Variants in RYR3 observed in about 807,000 individuals in gnomAD.
The protein encoded by RYR3 is ryanodine receptor 3, also known as brain ryanodine receptor-calcium release channel.
In RYR3, 207 loss-of-function variants were observed where a neutral mutation model predicts 584.3. The observed-to-expected ratio is 0.35, with a 90% confidence interval of 0.32 to 0.40. The LOEUF is 0.40. Ranked by LOEUF, RYR3 falls within the 10% of genes least tolerant of loss-of-function variation. RYR3 has a pLI of 1.00. For synonymous variants in RYR3, 2,416 were observed against 2,248.5 expected (o/e 1.07, Z -2.11); for missense variants, 5,616 against 6,089.2 (o/e 0.92, Z 2.59).
chr15:33,474,677 T>C (rs1312755816), intron 2 of RYR3, among the ~76,000 whole-genome samples: 1 of 152,198 alleles, frequency 6.6e-6, no homozygotes, highest in Non-Finnish European at 1.5e-5. Flanking sequence ...TCAGTTTTTC[T>C]CACAGAACCT....
At chr15:33,709,557 T>A (rs1026936249) in intron 43 of RYR3, among the ~76,000 whole-genome samples, 5 of 152,178 alleles carry the variant, frequency 3.3e-5, no homozygotes, top group Non-Finnish European at 5.9e-5. Flanking sequence ...CAACACCTCA[T>A]GAATGGGTTA....
At chr15:33,776,817 C>G (rs972846120) in intron 64 of RYR3, among the ~76,000 whole-genome samples, 1 of 152,082 alleles carries the variant, frequency 6.6e-6, no homozygotes, top group African/African-American at 2.4e-5. Context: ...TTTTGAAAGG[C>G]AAGATTCAGA....
intron 60 of RYR3, among the ~76,000 whole-genome samples, chr15:33,758,738 T>C (rs2072126985): frequency 6.6e-6 from 1 of 152,016 alleles, no homozygotes; most frequent in South Asian, 2.1e-4. Context: ...TAAAAGTTCC[T>C]GCCTGCCGGC....
intron 22 of RYR3, among the ~76,000 whole-genome samples, 165 bp from the exon 23 acceptor site, chr15:33,631,045 C>CTAAGCTACAAAGCT (rs2061239348): frequency 6.6e-6 from 1 of 152,152 alleles, no homozygotes; most frequent in Non-Finnish European, 1.5e-5. Flanking sequence ...ACATATGGCT[C>CTAAGCTACAAAGCT]ACAAAGCCTA....
intron 74 of RYR3, 80 bp downstream of exon 74, chr15:33,813,659 T>C: frequency 8.7e-7 from 1 of 1,143,246 alleles, no homozygotes; most frequent in Admixed American, 1.7e-5. Flanking sequence ...GCTCTCTCAC[T>C]CTTAATCCAA....
At chr15:33,466,778 G>A (rs1190718250) in intron 1 of RYR3, among the ~76,000 whole-genome samples, 8 of 152,074 alleles carry the variant, frequency 5.3e-5, no homozygotes, top group African/African-American at 1.4e-4. Flanking sequence ...ATAAGTAGTC[G>A]TTTTCAGAAC....
rs1375842464 is a variant in RYR3, at chr15:33,706,948, A to G, written c.6513A>G (p.Leu2171=). 2 of 1,610,952 alleles carry G rather than the reference A, an allele frequency of 1.2e-6. No homozygotes were observed. The highest frequency in any genetic ancestry group is 1.7e-5 in the Admixed American group (1 of 59,492). ...KVVTYLAGCG[L]QSCPMLLAKG... ...TGACCTACTTGGCAGGCTGTGGCCT[A>G]CAGAGCTGCCCCATGCTTCTGGCCA... The change falls in exon 43 of 104, where the codon CTA becomes CTG. Residue 2171 remains leucine (L), a synonymous_variant. Transcript: ENST00000634891.
intron 102 of RYR3, among the ~76,000 whole-genome samples, chr15:33,862,978 C>T (rs188478079): frequency 7.6e-4 from 115 of 152,304 alleles, no homozygotes; most frequent in Non-Finnish European, 1.4e-3. Flanking sequence ...TATTTATCAT[C>T]AATTCCCATT....
intron 1 of RYR3, chr15:33,467,394 C>T (rs1053323194): frequency 3.1e-6 from 2 of 650,960 alleles, no homozygotes; most frequent in Non-Finnish European, 1.9e-6. Context: ...ACAGGTGACC[C>T]GTAGAGAAGC....
chr15:33,842,578 A>G (rs920469357), intron 91 of RYR3, among the ~76,000 whole-genome samples: 4 of 152,180 alleles, frequency 2.6e-5, no homozygotes, highest in Non-Finnish European at 5.9e-5. Flanking sequence ...AGGGCTCCCC[A>G]CAGAGAGATT....
chr15:33,630,448 A>G (rs1376365100), intron 22 of RYR3, among the ~76,000 whole-genome samples: 1 of 152,180 alleles, frequency 6.6e-6, no homozygotes. Flanking sequence ...CCTAATTTAG[A>G]CTTTAACTTC....
At chr15:33,352,301 A>C (rs1205010310) in intron 1 of RYR3, among the ~76,000 whole-genome samples, 1 of 151,814 alleles carries the variant, frequency 6.6e-6, no homozygotes, top group Non-Finnish European at 1.5e-5. Flanking sequence ...TCATCCTCTT[A>C]CCAGTGTCTT....
At chr15:33,772,454 A>G (rs2073649411) in intron 63 of RYR3, among the ~76,000 whole-genome samples, 1 of 152,122 alleles carries the variant, frequency 6.6e-6, no homozygotes, top group Admixed American at 6.6e-5. Context: ...CTTAATTTCA[A>G]AGGTTATCTG....
chr15:33,534,396 C>T (rs968875130), intron 5 of RYR3, among the ~76,000 whole-genome samples: 4 of 152,134 alleles, frequency 2.6e-5, no homozygotes, highest in Admixed American at 6.5e-5. Flanking sequence ...AGCGAGACTT[C>T]GTCTCGAAAG....
chr15:33,579,995 G>T lies in RYR3; in HGVS notation c.1288G>T (p.Ala430Ser). 6.2e-7 allele frequency: 1 copy of T among 1,611,388 alleles called. No homozygotes were observed. Among genetic ancestry groups the T allele is most frequent in the Non-Finnish European group, 8.5e-7 (1 of 1,178,644 alleles). The change falls in exon 13 of 104, where the codon GCC becomes TCC. Residue 430 changes from alanine to serine, a missense_variant. Around this residue, in one of 9 missense-constraint regions of RYR3, gnomAD observed 1,284 missense variants for 1,344.6 expected, o/e 0.95. Transcript: ENST00000634891. ...QFVSGNNRTAAPITLPIEEVL... is the reference protein window; with the variant it reads ...QFVSGNNRTASPITLPIEEVL... Reference sequence around the variant, plus strand: ...TTTTAGCGGAAACAATCGCACAGCTGCCCCCATCACCCTGCCTATAGAAGA... The same window carrying T: ...TTTTAGCGGAAACAATCGCACAGCTTCCCCCATCACCCTGCCTATAGAAGA...
chr15:33,322,681 T>C (rs1969130504), intron 1 of RYR3, among the ~76,000 whole-genome samples: 1 of 152,164 alleles, frequency 6.6e-6, no homozygotes, highest in Admixed American at 6.5e-5. Context: ...ACAATTCACA[T>C]AAATGACTAC....
At position 33,390,281 on chromosome 15, in the gene RYR3, T is replaced by C. The variant is rs546132581; in HGVS notation, c.51+79185T>C. Among the ~76,000 whole-genome samples, 3 of 152,370 alleles carry C rather than the reference T, an allele frequency of 2.0e-5. No homozygotes were observed. The highest frequency in any genetic ancestry group is 4.1e-4 in the South Asian group (2 of 4,834). On this transcript the variant is annotated intron_variant, in intron 1 of 103. Transcript: ENST00000634891. This position sits in a 1 kb window ranked among gnomAD's most constrained non-coding sequence, Gnocchi z 4.2. ...AAATAAGAGTTTTTGTTTGTTTGTT[T>C]GTTTAGTTTGTTCTTTTAGCTGGGC...
chr15:33,815,839 A>G (rs2076787466), intron 74 of RYR3: 1 of 398,580 alleles, frequency 2.5e-6, no homozygotes, highest in Non-Finnish European at 4.4e-6. Flanking sequence ...TCCAGACACA[A>G]AATTAATAAT....
chr15:33,663,085 AT>A lies in RYR3; in HGVS notation c.5418+139del, dbSNP rs1359069839. The A allele has an allele frequency of 9.4e-6, 7 of 745,168 alleles. No homozygotes were observed. The African/African-American group carries it at 1.2e-4, about 13-fold the overall frequency. The allele number at this position is 745,168 out of a possible 1,614,324, so 46.2% of individuals were successfully genotyped here. A position where few individuals can be genotyped will look rare whatever the true frequency, so the allele number is the denominator to read the frequency against. On this transcript the variant is annotated intron_variant, in intron 35 of 103. Coordinates refer to ENST00000634891, the MANE Select transcript of RYR3 (RefSeq NM_001036.6). ...AGTGACTGACCAAGAGTGCTTGATG[AT>A]TATGGTGCTTGTTGTTGAATAAGTT...
Sources: gnomAD v4.1 joint callset for allele counts (sites outside exome capture counted in the v4.1 genomes callset) on GRCh38, gnomAD v4.1.1 for gene constraint, gnomAD v4.1.1 regional missense constraint, Gnocchi (gnomAD v3.1) non-coding constraint, MANE v1.5 for transcripts, NCBI Gene and HGNC (gene_info 2026-07-23, HGNC 2026-07-21) for gene names.